The following RBFOX1 variants were observed in gnomAD, a reference collection of about 807,000 sequenced individuals.
RBFOX1 encodes RNA binding fox-1 homolog 1, also known as RNA binding protein fox-1 homolog 1.
RBFOX1 carries 8 observed loss-of-function variants against 57.7 expected under a neutral mutation model. That is an observed-to-expected ratio of 0.14 (90% CI 0.08 to 0.25). The LOEUF is 0.25. Among genes scored for constraint, RBFOX1 ranks in the 10% least tolerant of loss-of-function variants. RBFOX1 has a pLI of 1.00. For missense variants in RBFOX1, 611 were observed against 548.5 expected (o/e 1.11, Z -1.14); for synonymous variants, 326 against 222.4 (o/e 1.47, Z -4.15).
chr16:5,665,140 G>T lies in RBFOX1; in HGVS notation c.318+66179G>T, dbSNP rs745632318. Reference sequence around the variant, plus strand: ...TTTTGATATTTTTACATGGGGGGGGGCGGTCTTGCTATATTGCCCAGGCTG... The same window carrying T: ...TTTTGATATTTTTACATGGGGGGGGTCGGTCTTGCTATATTGCCCAGGCTG... On this transcript the variant is annotated intron_variant, in intron 3 of 19. Transcript: ENST00000641259. Among the ~76,000 whole-genome samples, 16 of 109,792 alleles carry T rather than the reference G, an allele frequency of 1.5e-4. 2 individuals are homozygous for T. The highest frequency in any genetic ancestry group is 4.2e-4 in the South Asian group (1 of 2,374). 72.0% of individuals were successfully genotyped at this position (109,792 alleles called of 152,430 possible).
intron 3 of RBFOX1, among the ~76,000 whole-genome samples, chr16:6,775,388 G>T (rs1055115428): frequency 6.7e-6 from 1 of 148,826 alleles, no homozygotes; most frequent in African/African-American, 2.5e-5. Flanking sequence ...ACACCCAACT[G>T]TTAAGACCTC....
intron 2 of RBFOX1, among the ~76,000 whole-genome samples, chr16:5,555,404 C>T (rs1309965981): frequency 6.6e-6 from 1 of 151,958 alleles, no homozygotes; most frequent in African/African-American, 2.4e-5. Flanking sequence ...GCATGAGCCA[C>T]CAGGCCTGGC....
chr16:6,417,612 A>C (rs2093659923), intron 2 of RBFOX1, among the ~76,000 whole-genome samples: 2 of 137,820 alleles, frequency 1.5e-5, no homozygotes, highest in Non-Finnish European at 1.5e-5. Flanking sequence ...CTGGTCTTGA[A>C]CTCCTGACCT....
chr16:5,324,482 A>G (rs1365543653), intron 1 of RBFOX1, among the ~76,000 whole-genome samples: 2 of 152,076 alleles, frequency 1.3e-5, no homozygotes, highest in Non-Finnish European at 2.9e-5. Flanking sequence ...TAAAATACAC[A>G]ATCCTAGCCC....
At chr16:7,681,847 C>G (rs772680420) in intron 14 of RBFOX1, among the ~76,000 whole-genome samples, 11 of 152,006 alleles carry the variant, frequency 7.2e-5, no homozygotes, top group Non-Finnish European at 1.2e-4. Context: ...TTATCTGAAC[C>G]AAGTTTGATA....
At chr16:5,705,084 C>T (rs1426602086) in intron 3 of RBFOX1, among the ~76,000 whole-genome samples, 1 of 152,080 alleles carries the variant, frequency 6.6e-6, no homozygotes, top group African/African-American at 2.4e-5. Context: ...CATTGTATGT[C>T]ATTGAGGAGT....
chr16:7,630,621 A>C lies in RBFOX1; in HGVS notation c.695A>C (p.Gln232Pro). 1 of 1,614,152 alleles carries C rather than the reference A, an allele frequency of 6.2e-7. No individual in the cohort carries two copies. Among genetic ancestry groups the C allele is most frequent in the Non-Finnish European group, 8.5e-7 (1 of 1,180,028 alleles). ...EFYAGTVLLC[Q>P]ANQEGSSMYS... The stretch of plus-strand genomic sequence containing the variant: ...TTCGTAGGCACGGTCCTGTTGTGCC[A>C]GGCCAACCAGGAGGGATCTTCCATG... Residue 232 changes from glutamine to proline, a missense_variant, in exon 11 of 16, where the codon CAG (glutamine) becomes CCG (proline). Coordinates refer to ENST00000550418, the MANE Select transcript of RBFOX1 (RefSeq NM_018723.4).
At chr16:5,667,207 TG>T (rs1470242028) in intron 3 of RBFOX1, among the ~76,000 whole-genome samples, 1 of 152,250 alleles carries the variant, frequency 6.6e-6, no homozygotes, top group Non-Finnish European at 1.5e-5. Flanking sequence ...ATTATGTTTT[TG>T]TATTTTCTTA....
chr16:7,384,016 T>A (rs965629844), intron 4 of RBFOX1, among the ~76,000 whole-genome samples: 7 of 148,604 alleles, frequency 4.7e-5, no homozygotes, highest in African/African-American at 1.7e-4. Flanking sequence ...ATCGTGCCGT[T>A]GCACCCCAGC....
At chr16:7,586,417 G>A (rs775805237) in intron 6 of RBFOX1, among the ~76,000 whole-genome samples, 1 of 152,118 alleles carries the variant, frequency 6.6e-6, no homozygotes, top group Non-Finnish European at 1.5e-5. Context: ...ATTTCTCACT[G>A]GGACTTCCAG....
intron 4 of RBFOX1, among the ~76,000 whole-genome samples, chr16:7,437,487 AGT>A (rs1310084261): frequency 1.3e-5 from 2 of 152,202 alleles, no homozygotes; most frequent in Non-Finnish European, 2.9e-5. Flanking sequence ...CGTTCCATGC[AGT>A]GTGTTTTTCT....
chr16:5,997,454 T>G (rs952998005), intron 4 of RBFOX1, among the ~76,000 whole-genome samples: 10 of 152,342 alleles, frequency 6.6e-5, no homozygotes, highest in Non-Finnish European at 1.5e-4. Context: ...AACCACATGC[T>G]AGCTCTGTGA....
intron 5 of RBFOX1, among the ~76,000 whole-genome samples, chr16:7,538,924 T>C (rs373168592): frequency 1.4e-5 from 2 of 148,008 alleles, no homozygotes; most frequent in African/African-American, 5.0e-5. Context: ...AGTTCTATGG[T>C]CAATGAGACT....
chr16:5,652,004 C>G (rs577190458), intron 3 of RBFOX1, among the ~76,000 whole-genome samples: 1 of 152,114 alleles, frequency 6.6e-6, no homozygotes, highest in Admixed American at 6.5e-5. Flanking sequence ...CTTGGTGACA[C>G]ATGCCTATAG....
At chr16:7,036,341 GT>G (rs1291006840) in intron 3 of RBFOX1, among the ~76,000 whole-genome samples, 2 of 151,978 alleles carry the variant, frequency 1.3e-5, no homozygotes, top group African/African-American at 4.8e-5. Flanking sequence ...CACAATCTTG[GT>G]TTTCTACCGC....
At chr16:7,618,364 G>A (rs2058790499) in intron 10 of RBFOX1, among the ~76,000 whole-genome samples, 1 of 152,132 alleles carries the variant, frequency 6.6e-6, no homozygotes. Flanking sequence ...GCCCTGTGGT[G>A]CTGGGAGACT....
chr16:7,408,755 T>C (rs932190619), intron 4 of RBFOX1, among the ~76,000 whole-genome samples: 2 of 152,188 alleles, frequency 1.3e-5, no homozygotes, highest in Admixed American at 1.3e-4. Flanking sequence ...TGGCCTCCTA[T>C]CCACTTTATG....
At chr16:7,577,734 G>A (rs12932186) in intron 5 of RBFOX1, among the ~76,000 whole-genome samples, 4 of 152,116 alleles carry the variant, frequency 2.6e-5, no homozygotes, top group Admixed American at 2.6e-4. Flanking sequence ...TGTGACCCAG[G>A]CTCTGCAAAT....
intron 1 of RBFOX1, among the ~76,000 whole-genome samples, chr16:6,043,661 G>A (rs182042539): frequency 1.3e-5 from 2 of 152,126 alleles, no homozygotes; most frequent in Non-Finnish European, 2.9e-5. Flanking sequence ...TGTTCAGTCA[G>A]TTGAAGAGAC....
Sources: allele counts gnomAD v4.1 joint callset (sites outside exome capture counted in the v4.1 genomes callset), GRCh38; gene constraint gnomAD v4.1.1; transcripts MANE v1.5; gene names NCBI Gene and HGNC (gene_info 2026-07-23, HGNC 2026-07-21).